Variants in NUP54 observed in about 807,000 individuals in gnomAD.
NUP54 encodes nucleoporin p54.
Under a neutral mutation model 66.4 loss-of-function variants are expected in NUP54, and 27 were observed. The ratio of observed to expected loss-of-function variants is 0.41; its 90% confidence interval spans 0.30 to 0.56. The LOEUF (loss-of-function observed/expected upper bound fraction) is 0.56, where lower values mean the gene tolerates loss of function less well. Among genes scored for constraint, NUP54 ranks in the 20% least tolerant of loss-of-function variants. The probability of loss-of-function intolerance (pLI) is 0.34; values close to 1 mark genes in which losing one functional copy is unlikely to be tolerated. For synonymous variants in NUP54, 206 were observed against 210.7 expected (o/e 0.98, Z 0.19); for missense variants, 486 against 596.3 (o/e 0.82, Z 1.93).
intron 1 of NUP54, among the ~76,000 whole-genome samples, chr4:76,147,243 A>G (rs1311040794): frequency 1.3e-5 from 2 of 152,240 alleles, no homozygotes; most frequent in African/African-American, 4.8e-5. Context: ...CCAAATGCTT[A>G]TCATTTGGAA....
At chr4:76,142,619 G>T in intron 3 of NUP54, among the ~76,000 whole-genome samples, 1 of 152,146 alleles carries the variant, frequency 6.6e-6, no homozygotes, top group East Asian at 1.9e-4. Flanking sequence ...CAGGGTTCTT[G>T]TGAGAATAAG....
chr4:76,129,966 GTTTTTTTTTTTTTTTTT>G (rs775109047), intron 8 of NUP54, among the ~76,000 whole-genome samples: 7 of 56,864 alleles, frequency 1.2e-4, no homozygotes, highest in South Asian at 8.1e-4. Flanking sequence ...AATTATGAAA[GTTTTTTTTTTTTTTTTT>G]TTTTTTTTTT....
At chr4:76,147,765 C>T (rs1219660061) in intron 1 of NUP54, 5 of 682,434 alleles carry the variant, frequency 7.3e-6, no homozygotes, top group Admixed American at 3.5e-5. Flanking sequence ...CCTGGTTTTG[C>T]TCCAAACAGT....
intron 8 of NUP54, among the ~76,000 whole-genome samples, chr4:76,127,458 A>G (rs1224118278): frequency 6.8e-6 from 1 of 147,780 alleles, no homozygotes; most frequent in African/African-American, 2.5e-5. Context: ...AAAAAAATGG[A>G]CCCACTATTT....
intron 1 of NUP54, chr4:76,147,667 A>G: frequency 7.8e-7 from 1 of 1,276,756 alleles, no homozygotes; most frequent in Non-Finnish European, 1.0e-6. Flanking sequence ...CAAAGAAACA[A>G]AATTTTAAAA....
chr4:76,127,292 C>T (rs1238332772), intron 8 of NUP54, among the ~76,000 whole-genome samples: 1 of 151,776 alleles, frequency 6.6e-6, no homozygotes, highest in Non-Finnish European at 1.5e-5. Flanking sequence ...ATTAGCCAGG[C>T]GTGGTGGTGG....
intron 9 of NUP54, among the ~76,000 whole-genome samples, chr4:76,121,461 A>AT (rs1730231536): frequency 1.3e-5 from 2 of 152,130 alleles, no homozygotes; most frequent in Non-Finnish European, 2.9e-5. Flanking sequence ...TTTAATCAAA[A>AT]TTTTTTTAGA....
intron 9 of NUP54, among the ~76,000 whole-genome samples, chr4:76,122,124 T>C (rs1020975612): frequency 6.6e-6 from 1 of 152,252 alleles, no homozygotes; most frequent in Non-Finnish European, 1.5e-5. Flanking sequence ...TGTGTTGCTA[T>C]AATAAGTCAT....
At position 76,132,578 on chromosome 4, in the gene NUP54, A is replaced by G; in HGVS notation, c.852T>C (p.Thr284=). ...TCTGTGCAGGAGAAAGTTCTGTTCTAGTCATAGAAAGGGTTACACCAAGTT... is the reference window on the plus strand; with the variant it reads ...TCTGTGCAGGAGAAAGTTCTGTTCTGGTCATAGAAAGGGTTACACCAAGTT... ...LQQLGVTLSM[T]RTELSPAQIK... The change falls in exon 6 of 12, where the codon ACT becomes ACC. Residue 284 remains threonine, a synonymous_variant. Coordinates refer to ENST00000264883, the MANE Select transcript of NUP54 (RefSeq NM_017426.4). The G allele has an allele frequency of 1.2e-6, 2 of 1,614,022 alleles. No homozygotes were observed. The highest frequency in any genetic ancestry group is 1.7e-6 in the Non-Finnish European group (2 of 1,180,000).
intron 8 of NUP54, among the ~76,000 whole-genome samples, chr4:76,129,966 GTTTTTTTTTTTTTTT>G (rs775109047): frequency 5.3e-5 from 3 of 56,824 alleles, no homozygotes; most frequent in Admixed American, 3.3e-4. Flanking sequence ...AATTATGAAA[GTTTTTTTTTTTTTTT>G]TTTTTTTTTT....
At position 76,115,341 on chromosome 4, in the gene NUP54, A is replaced by T; in HGVS notation, c.*25T>A. 1.3e-6 allele frequency: 2 copies of T among 1,550,420 alleles called. No homozygotes were observed. Among genetic ancestry groups the T allele is most frequent in the Non-Finnish European group, 8.7e-7 (1 of 1,154,562 alleles). On this transcript the variant is annotated 3_prime_UTR_variant, in exon 12 of 12. Coordinates refer to ENST00000264883, the MANE Select transcript of NUP54 (RefSeq NM_017426.4). ...ATGCAGTAAGAAGATGCATTTCACA[A>T]ACCTTTACACAAGTTTGTGAACTGT...
rs190780483 is a variant in NUP54, at chr4:76,126,545, C to T, written c.1057-1789G>A. 3.8e-3 allele frequency among the ~76,000 whole-genome samples: 585 copies of T among 152,192 alleles called. 2 individuals carry two copies. Among genetic ancestry groups the T allele is most frequent in the Non-Finnish European group, 6.4e-3 (436 of 67,994 alleles). On this transcript the variant is annotated intron_variant, in intron 8 of 11. Coordinates refer to ENST00000264883, the MANE Select transcript of NUP54 (RefSeq NM_017426.4). ...GAAAAATCACCAGGGTTTTTAGATA[C>T]AAGAGTACTTACAACATTATTTTCT...
intron 9 of NUP54, 75 bp from the exon 10 acceptor site, chr4:76,118,269 T>C (rs570804572): frequency 7.5e-7 from 1 of 1,333,058 alleles, no homozygotes. Context: ...GTACAATTAG[T>C]TACTGAAAGA....
chr4:76,125,363 G>C (rs954470974), intron 8 of NUP54, among the ~76,000 whole-genome samples: 1 of 146,674 alleles, frequency 6.8e-6, no homozygotes, highest in Non-Finnish European at 1.5e-5. Flanking sequence ...GCTGGGCACA[G>C]TGGGTCACTC....
intron 5 of NUP54, among the ~76,000 whole-genome samples, chr4:76,133,146 C>A (rs11730696): frequency 0.13 from 19,872 of 151,620 alleles, 1,503 homozygotes; most frequent in East Asian, 0.34. Context: ...AATCCTCCCA[C>A]CTTGACCTCC....
intron 9 of NUP54, chr4:76,124,441 C>T (rs7668507): frequency 0.16 from 46,652 of 300,036 alleles, 4,398 homozygotes; most frequent in East Asian, 0.37. Flanking sequence ...CACTAAAATA[C>T]GAACTTTAGG....
intron 9 of NUP54, among the ~76,000 whole-genome samples, chr4:76,119,851 AAC>A (rs1176934067): frequency 6.6e-6 from 1 of 152,038 alleles, no homozygotes; most frequent in Admixed American, 6.5e-5. Flanking sequence ...CTTTTTCATA[AAC>A]ACACACATAG....
chr4:76,140,856 A>G (rs1731240063), intron 3 of NUP54, among the ~76,000 whole-genome samples: 1 of 152,198 alleles, frequency 6.6e-6, no homozygotes, highest in Admixed American at 6.5e-5. Flanking sequence ...TTTTTCAGGC[A>G]AATGTGACAC....
At chr4:76,124,804 C>T (rs778302978) in intron 8 of NUP54, 48 bp from the exon 9 acceptor site, 2 of 744,870 alleles carry the variant, frequency 2.7e-6, no homozygotes, top group South Asian at 2.9e-5. Context: ...AATATCACAA[C>T]TATTTATCAG....
Sources: gnomAD v4.1 joint callset for allele counts (sites outside exome capture counted in the v4.1 genomes callset) on GRCh38, gnomAD v4.1.1 for gene constraint, MANE v1.5 for transcripts, NCBI Gene and HGNC (gene_info 2026-07-23, HGNC 2026-07-21) for gene names.